PDLIM5: variants seen among roughly 807,000 people sequenced by gnomAD.
PDLIM5 encodes the protein PDZ and LIM domain protein 5.
PDLIM5 carries 34 observed loss-of-function variants against 64.2 expected under a neutral mutation model. The observed-to-expected ratio is 0.53, with a 90% CI of 0.40 to 0.71. PDLIM5 has a LOEUF of 0.71. Among genes scored for constraint, PDLIM5 ranks in the 30% least tolerant of loss-of-function variants. PDLIM5 has a pLI of 0.00. For synonymous variants in PDLIM5, 253 were observed against 269.1 expected, an observed-to-expected ratio of 0.94 and a Z score of 0.59; for missense variants, 683 against 733.6, an observed-to-expected ratio of 0.93 and a Z score of 0.80.
chr4:94,452,108 G>A (rs1006449499), intron 1 of PDLIM5, 113 bp downstream of exon 1: 8 of 152,400 alleles, frequency 5.2e-5, no homozygotes, highest in African/African-American at 1.7e-4. Flanking sequence ...GACGAGGAGG[G>A]GGCGCTCCTC....
intron 2 of PDLIM5, among the ~76,000 whole-genome samples, chr4:94,519,146 A>G (rs561020367): frequency 2.3e-4 from 35 of 152,226 alleles, no homozygotes; most frequent in African/African-American, 7.9e-4. Flanking sequence ...GAGTGAGGGG[A>G]AAGTTAGGCT....
At chr4:94,508,109 AAAAG>A (rs1251523612) in intron 2 of PDLIM5, among the ~76,000 whole-genome samples, 1 of 141,156 alleles carries the variant, frequency 7.1e-6, no homozygotes, top group Non-Finnish European at 1.5e-5. Context: ...TTAAAAAAGA[AAAAG>A]AAAAAAAGAG....
rs541933393 is a variant in PDLIM5, at chr4:94,571,359, A to G, written c.249-1992A>G. On this transcript the variant is annotated intron_variant, in intron 3 of 12. Coordinates refer to ENST00000317968, the MANE Select transcript of PDLIM5 (RefSeq NM_006457.5). ...ACTTCAAATAGATTGTTCTAGCCAC[A>G]TTGATGGCTTTGTTCTTTGAATTTC... Among the ~76,000 whole-genome samples, 10 of 152,350 alleles carry G rather than the reference A, an allele frequency of 6.6e-5. No individual in the cohort carries two copies. The South Asian group carries it at 1.9e-3, about 28-fold the overall frequency.
rs556520230 is a variant in PDLIM5, at chr4:94,636,782, G to A, written c.1109-3494G>A. 3.7e-4 allele frequency among the ~76,000 whole-genome samples: 56 copies of A among 152,166 alleles called. 1 individual carries two copies. In the South Asian group the frequency reaches 0.01, roughly 28 times the overall value. On this transcript the variant is annotated intron_variant, in intron 8 of 12. Transcript: ENST00000317968. ...GATCTCCTGATCTCATGATCCGCCC[G>A]CCTCGGCCTCCCAAAGTGCTGGGAT...
chr4:94,478,023 C>T (rs577506351), intron 2 of PDLIM5, among the ~76,000 whole-genome samples: 19 of 152,004 alleles, frequency 1.2e-4, no homozygotes, highest in African/African-American at 3.1e-4. Context: ...TTTGGGAGGC[C>T]GAGGCGAGCG....
intron 7 of PDLIM5, among the ~76,000 whole-genome samples, chr4:94,594,907 A>G (rs1305511959): frequency 6.6e-6 from 1 of 152,162 alleles, no homozygotes; most frequent in South Asian, 2.1e-4. Context: ...TCATACTGCT[A>G]AAAAGAACTA....
intron 5 of PDLIM5, among the ~76,000 whole-genome samples, chr4:94,581,751 CAA>C (rs1735749074): frequency 6.6e-6 from 1 of 152,140 alleles, no homozygotes. Context: ...TGTTCTTTGG[CAA>C]ACTATACAGT....
chr4:94,575,912 TG>T lies in PDLIM5; in HGVS notation c.590del (p.Gly197ValfsTer24). On this transcript the variant is annotated frameshift_variant, in exon 5 of 13. Coordinates refer to ENST00000317968, the MANE Select transcript of PDLIM5 (RefSeq NM_006457.5). LOFTEE classifies it high-confidence loss of function. The part of the protein sequence containing the change: ...ADQSPSALSA[G>X]KTAVNVPRQP... Reference sequence around the variant, plus strand: ...ACCAGTCTCCATCTGCACTGAGCGCTGGTAAAACTGCAGTTAATGTCCCACG... The same window carrying T: ...ACCAGTCTCCATCTGCACTGAGCGCTGTAAAACTGCAGTTAATGTCCCACG... 1.2e-6 allele frequency: 2 copies of T among 1,614,112 alleles called. No homozygotes were observed. The highest frequency in any genetic ancestry group is 1.7e-6 in the Non-Finnish European group (2 of 1,180,002).
intron 3 of PDLIM5, among the ~76,000 whole-genome samples, chr4:94,570,320 TG>T: frequency 6.6e-6 from 1 of 152,274 alleles, no homozygotes; most frequent in East Asian, 1.9e-4. Flanking sequence ...TGACCAGCTT[TG>T]GGTTATTTCT....
At chr4:94,510,095 A>C (rs1728740282) in intron 2 of PDLIM5, among the ~76,000 whole-genome samples, 1 of 152,208 alleles carries the variant, frequency 6.6e-6, no homozygotes, top group African/African-American at 2.4e-5. Context: ...ATAGTTCAGT[A>C]TTAAATGTCA....
intron 3 of PDLIM5, among the ~76,000 whole-genome samples, chr4:94,540,408 G>T (rs2452582): frequency 0.52 from 78,892 of 152,114 alleles, 21,496 homozygotes; most frequent in African/African-American, 0.68. Flanking sequence ...GTGAGCCACC[G>T]CACCCAGCCT....
rs1351386810 is a variant in PDLIM5 at position 94,504,293 on chromosome 4, CT to C, written c.97-19418del. The stretch of plus-strand genomic sequence containing the variant: ...CAGAACTTCATGGTTGTGCGACTTT[CT>C]TTTTTTTTTTTTGAGACAGAGTGTC... On this transcript the variant is annotated intron_variant, in intron 2 of 12. Coordinates refer to ENST00000317968, the MANE Select transcript of PDLIM5 (RefSeq NM_006457.5). Among the ~76,000 whole-genome samples the C allele has an allele frequency of 5.4e-3, 772 of 143,200 alleles. 2 individuals carry two copies. Among genetic ancestry groups the C allele is most frequent in the African/African-American group, 0.013 (505 of 39,432 alleles). 93.9% of individuals were successfully genotyped at this position (143,200 alleles called of 152,430 possible).
chr4:94,665,462 A>G lies in PDLIM5; in HGVS notation c.*1395A>G. On this transcript the variant is annotated 3_prime_UTR_variant, in exon 13 of 13. Coordinates refer to ENST00000317968, the MANE Select transcript of PDLIM5 (RefSeq NM_006457.5). ...CACCACTGCACTCCAGCCTGGTGACAGAGCAAGACTCCGGCTCTTAAAAAA... is the reference window on the plus strand; with the variant it reads ...CACCACTGCACTCCAGCCTGGTGACGGAGCAAGACTCCGGCTCTTAAAAAA... The G allele has an allele frequency of 1.2e-6, 1 of 826,164 alleles. No individual in the cohort carries two copies. The highest frequency in any genetic ancestry group is 6.7e-5 in the Admixed American group (1 of 14,848). The allele number at this position is 826,164 out of a possible 1,614,324, so 51.2% of individuals were successfully genotyped here.
chr4:94,606,404 G>C (rs1218034480), intron 7 of PDLIM5, among the ~76,000 whole-genome samples: 3 of 152,168 alleles, frequency 2.0e-5, no homozygotes, highest in African/African-American at 7.2e-5. Flanking sequence ...GAGGCCAGAA[G>C]GATGCCTTGG....
intron 9 of PDLIM5, 98 bp from the exon 10 acceptor site, chr4:94,654,362 T>C (rs1215415925): frequency 1.3e-6 from 1 of 764,922 alleles, no homozygotes; most frequent in African/African-American, 1.7e-5. Context: ...ATTGAGCAAG[T>C]ATTTAATTGG....
intron 7 of PDLIM5, among the ~76,000 whole-genome samples, chr4:94,590,038 CAA>C (rs1190251114): frequency 2.6e-5 from 4 of 152,114 alleles, no homozygotes; most frequent in African/African-American, 9.7e-5. Context: ...CTCGGCCTCC[CAA>C]AGTGCTGGGA....
At chr4:94,516,518 C>A (rs1729371676) in intron 2 of PDLIM5, among the ~76,000 whole-genome samples, 1 of 151,862 alleles carries the variant, frequency 6.6e-6, no homozygotes, top group East Asian at 1.9e-4. Context: ...GTCTCTCTCT[C>A]TCTCTCTCTC....
intron 8 of PDLIM5, among the ~76,000 whole-genome samples, chr4:94,635,473 A>AT (rs1740483691): frequency 6.6e-6 from 1 of 152,260 alleles, no homozygotes; most frequent in Non-Finnish European, 1.5e-5. Context: ...GAAAAAAAAA[A>AT]CTGTGATGAC....
chr4:94,456,008 A>T (rs1373459307), intron 2 of PDLIM5: 1 of 1,428,834 alleles, frequency 7.0e-7, no homozygotes, highest in Non-Finnish European at 9.2e-7. Flanking sequence ...TTTCATGATG[A>T]TGATGATAGC....
Sources: gnomAD v4.1 joint callset for allele counts (sites outside exome capture counted in the v4.1 genomes callset) on GRCh38, gnomAD v4.1.1 for gene constraint, MANE v1.5 for transcripts, NCBI Gene and HGNC (gene_info 2026-07-23, HGNC 2026-07-21) for gene names.